Variants in SDAD1 observed in about 807,000 individuals in gnomAD.
The protein encoded by SDAD1 is SDA1 domain containing 1.
A neutral mutation model predicts 100.3 loss-of-function variants in SDAD1; 79 were observed. The ratio of observed to expected loss-of-function variants is 0.79; its 90% CI spans 0.66 to 0.95. The LOEUF is 0.95. SDAD1 is among the 40% of genes least tolerant of loss of function. SDAD1 has a pLI of 0.00. For missense variants in SDAD1, 790 were observed against 810.9 expected (o/e 0.97, Z 0.31); for synonymous variants, 267 against 271.4 (o/e 0.98, Z 0.16).
chr4:75,983,745 T>C (rs1330628745), intron 1 of SDAD1, among the ~76,000 whole-genome samples: 2 of 152,214 alleles, frequency 1.3e-5, no homozygotes, highest in Non-Finnish European at 2.9e-5. Flanking sequence ...GGTTGCTTAT[T>C]CACTCTGATA....
chr4:75,962,168 G>A (rs906282154), intron 14 of SDAD1, among the ~76,000 whole-genome samples: 2 of 152,128 alleles, frequency 1.3e-5, no homozygotes, highest in Non-Finnish European at 1.5e-5. Context: ...CTGTCCTTGC[G>A]ATAGTTTGCT....
At position 75,950,287 on chromosome 4, in the gene SDAD1, C is replaced by CT. The variant is rs1376072960; in HGVS notation, c.*462dup. On this transcript the variant is annotated 3_prime_UTR_variant, in exon 22 of 22. Transcript: ENST00000356260. The stretch of plus-strand genomic sequence containing the variant: ...GTAACATTGTCCTGTTTTGTTTTGT[C>CT]TTATAAGAATATATAACTCCTATCC... 1 of 153,970 alleles carries CT rather than the reference C, an allele frequency of 6.5e-6. No individual in the cohort carries two copies. The highest frequency in any genetic ancestry group is 1.5e-5 in the Non-Finnish European group (1 of 68,886). The allele number at this position is 153,970 out of a possible 1,614,324, so 9.5% of individuals were successfully genotyped here.
At position 75,960,059 on chromosome 4, in the gene SDAD1, A is replaced by C; in HGVS notation, c.1483+7T>G. 6.2e-7 allele frequency: 1 copy of C among 1,606,406 alleles called. No homozygotes were observed. Among genetic ancestry groups the C allele is most frequent in the Non-Finnish European group, 8.5e-7 (1 of 1,178,220 alleles). On this transcript the variant is annotated splice_region_variant and intron_variant, in intron 17 of 21. Transcript: ENST00000356260. Reference sequence around the variant, plus strand: ...TTGCCCAAAATAAGGGTGAAATAAAAATCAACCTTCATCATTTTCAGCATT... The same window carrying C: ...TTGCCCAAAATAAGGGTGAAATAAACATCAACCTTCATCATTTTCAGCATT...
At chr4:75,976,016 T>C in intron 4 of SDAD1, 21 bp from the exon 5 acceptor site, 2 of 1,473,492 alleles carry the variant, frequency 1.4e-6, no homozygotes, top group Middle Eastern at 1.8e-4. Context: ...GAAACAAAAA[T>C]ATATACATTA....
At chr4:75,953,949 C>T (rs1728746079) in intron 21 of SDAD1, among the ~76,000 whole-genome samples, 1 of 152,074 alleles carries the variant, frequency 6.6e-6, no homozygotes, top group Admixed American at 6.6e-5. Context: ...AAATGTAATC[C>T]CAAAGCCTGT....
At position 75,983,183 on chromosome 4, in the gene SDAD1, A is replaced by T. The variant is rs945960244; in HGVS notation, c.91-1146T>A. On this transcript the variant is annotated intron_variant, in intron 1 of 21. Coordinates refer to ENST00000356260, the MANE Select transcript of SDAD1 (RefSeq NM_018115.4). ...TATATGTGCCATATTTTCTTTATCT[A>T]GTCTATCATTGATGGGCATTTGGGT... is the stretch of plus-strand genomic sequence containing the variant. Among the ~76,000 whole-genome samples the T allele has an allele frequency of 7.2e-5, 11 of 152,206 alleles. No individual in the cohort carries two copies. In the East Asian group the frequency reaches 2.1e-3, roughly 29 times the overall value.
At chr4:75,977,242 A>G (rs1730205365) in intron 4 of SDAD1, among the ~76,000 whole-genome samples, 1 of 152,212 alleles carries the variant, frequency 6.6e-6, no homozygotes, top group South Asian at 2.1e-4. Flanking sequence ...GTCCTGATTT[A>G]GCCAGCCAGT....
intron 17 of SDAD1, among the ~76,000 whole-genome samples, chr4:75,958,822 GTGCAGTGGCTCA>G (rs1376429756): frequency 6.6e-6 from 1 of 150,778 alleles, no homozygotes; most frequent in Non-Finnish European, 1.5e-5. Context: ...AAAAGGCCGG[GTGCAGTGGCTCA>G]CGCCTGTAAT....
intron 11 of SDAD1, among the ~76,000 whole-genome samples, chr4:75,967,909 A>G (rs906431555): frequency 2.0e-5 from 3 of 152,196 alleles, no homozygotes; most frequent in Admixed American, 2.0e-4. Flanking sequence ...AACAAAGGTG[A>G]CCAGGGTTAT....
At chr4:75,976,921 T>A (rs1268461883) in intron 4 of SDAD1, among the ~76,000 whole-genome samples, 2 of 152,124 alleles carry the variant, frequency 1.3e-5, no homozygotes, top group African/African-American at 4.8e-5. Flanking sequence ...TTGAAAAAAA[T>A]TTTAAATTAA....
At chr4:75,989,508 A>AT (rs1311651859) in intron 1 of SDAD1, among the ~76,000 whole-genome samples, 2 of 152,180 alleles carry the variant, frequency 1.3e-5, no homozygotes, top group Non-Finnish European at 2.9e-5. Context: ...GTTATATGTG[A>AT]TTTTGCATAT....
intron 1 of SDAD1, among the ~76,000 whole-genome samples, chr4:75,986,869 C>T (rs1475322461): frequency 6.6e-6 from 1 of 151,924 alleles, no homozygotes; most frequent in Non-Finnish European, 1.5e-5. Flanking sequence ...ACAAAAAAAT[C>T]AACTGGGAAT....
chr4:75,974,639 G>C (rs1424944480), intron 6 of SDAD1, among the ~76,000 whole-genome samples: 1 of 151,578 alleles, frequency 6.6e-6, no homozygotes, highest in African/African-American at 2.4e-5. Flanking sequence ...AACCCAGGAG[G>C]CGGAGGTTGC....
At chr4:75,954,381 C>CAA (rs756922724) in intron 21 of SDAD1, among the ~76,000 whole-genome samples, 4 of 110,860 alleles carry the variant, frequency 3.6e-5, no homozygotes, top group Non-Finnish European at 5.9e-5. Flanking sequence ...GACTCTGTCT[C>CAA]AAAAAAAAAA....
intron 11 of SDAD1, among the ~76,000 whole-genome samples, chr4:75,968,477 T>C (rs78636911): frequency 6.6e-6 from 1 of 152,210 alleles, no homozygotes; most frequent in South Asian, 2.1e-4. Flanking sequence ...CATTTCTTCA[T>C]GGCTTAAATT....
intron 3 of SDAD1, among the ~76,000 whole-genome samples, chr4:75,978,687 AG>A (rs1285376469): frequency 6.6e-6 from 1 of 152,132 alleles, no homozygotes; most frequent in Non-Finnish European, 1.5e-5. Context: ...TTCAAAAACA[AG>A]GGCAAGGCTG....
In SDAD1 at chr4:75,950,733, G is replaced by A; in HGVS notation, c.*17C>T. 6.4e-7 allele frequency: 1 copy of A among 1,566,892 alleles called. No individual in the cohort carries two copies. The highest frequency in any genetic ancestry group is 8.8e-7 in the Non-Finnish European group (1 of 1,142,800). On this transcript the variant is annotated 3_prime_UTR_variant, in exon 22 of 22. Transcript: ENST00000356260. Reference sequence around the variant, plus strand: ...CAAACTTAGCATTCTTCTAGGAATGGAAAACTTGCCAGGAAGTTACTTCAT... The same window carrying A: ...CAAACTTAGCATTCTTCTAGGAATGAAAAACTTGCCAGGAAGTTACTTCAT...
Position 75,990,867 on chromosome 4 carries a change from G to A in SDAD1, c.-26C>T, listed in dbSNP as rs758382226. 2 of 1,613,856 alleles carry A rather than the reference G, an allele frequency of 1.2e-6. No homozygotes were observed. The highest frequency in any genetic ancestry group is 1.7e-5 in the Admixed American group (1 of 60,014). On this transcript the variant is annotated 5_prime_UTR_variant, in exon 1 of 22. Coordinates refer to ENST00000356260, the MANE Select transcript of SDAD1 (RefSeq NM_018115.4). ...TTTGGCTGCAGACAGACTTCGCGGC[G>A]AGCAGTTTTAAAAAAACTCAGACGG...
chr4:75,983,275 T>C lies in SDAD1; in HGVS notation c.91-1238A>G, dbSNP rs570599058. Among the ~76,000 whole-genome samples the C allele has an allele frequency of 7.9e-5, 12 of 152,326 alleles. No individual in the cohort carries two copies. The South Asian group carries it at 2.1e-3, about 26-fold the overall frequency. On this transcript the variant is annotated intron_variant, in intron 1 of 21. Transcript: ENST00000356260. ...CATATGTGTACATGTGTATTTACAG[T>C]AGAATGATTTATAATCCTTTGGGTA...
Sources: allele counts gnomAD v4.1 joint callset (sites outside exome capture counted in the v4.1 genomes callset), GRCh38; gene constraint gnomAD v4.1.1; transcripts MANE v1.5; gene names NCBI Gene and HGNC (gene_info 2026-07-23, HGNC 2026-07-21).